Variants in MINAR1 observed in about 807,000 individuals in gnomAD.
MINAR1 encodes membrane integral NOTCH2 associated receptor 1.
MINAR1 carries 40 observed loss-of-function variants against 65.1 expected under a neutral mutation model. That is an observed-to-expected ratio of 0.61 (90% CI 0.48 to 0.80). MINAR1 has a LOEUF of 0.80. Ranked by LOEUF, MINAR1 falls within the 30% of genes least tolerant of loss-of-function variation. MINAR1 has a pLI of 0.00. For synonymous variants in MINAR1, 482 were observed against 449.1 expected (o/e 1.07, Z -0.93); for missense variants, 1,128 against 1,148.0 (o/e 0.98, Z 0.25).
At chr15:79,434,962 C>G (rs1177938297) in intron 1 of MINAR1, among the ~76,000 whole-genome samples, 1 of 152,160 alleles carries the variant, frequency 6.6e-6, no homozygotes, top group Non-Finnish European at 1.5e-5. Flanking sequence ...GAGTAGAACC[C>G]TTTAAATTAA....
chr15:79,421,957 A>G, the MINAR1 span: 3 of 152,298 alleles, frequency 2.0e-5, no homozygotes, highest in Admixed American at 2.0e-4. Context: ...GGATGGAGAC[A>G]CATTGTATAT....
At position 79,470,060 on chromosome 15, in the gene MINAR1, T is replaced by TTTTAGAAGTCTTCATGTTATCTATTTGTA. The variant is rs1896022491; in HGVS notation, c.*1679_*1707dup. On this transcript the variant is annotated 3_prime_UTR_variant, in exon 4 of 4. Coordinates refer to ENST00000305428, the MANE Select transcript of MINAR1 (RefSeq NM_015206.3). Reference sequence around the variant, plus strand: ...GTTTTCATCTGTGGTGAACCTTTATTTTTAGAAGTCTTCATGTTATCTATT... The same window carrying TTTTAGAAGTCTTCATGTTATCTATTTGTA: ...GTTTTCATCTGTGGTGAACCTTTATTTTTAGAAGTCTTCATGTTATCTATTTGTATTTAGAAGTCTTCATGTTATCTATT... 1 of 152,568 alleles carries TTTTAGAAGTCTTCATGTTATCTATTTGTA rather than the reference T, an allele frequency of 6.6e-6. No individual in the cohort carries two copies. The highest frequency in any genetic ancestry group is 1.5e-5 in the Non-Finnish European group (1 of 68,040). 9.5% of individuals were successfully genotyped at this position (152,568 alleles called of 1,614,324 possible).
Position 79,471,665 on chromosome 15 carries a change from G to A in MINAR1, c.*3281G>A, listed in dbSNP as rs1267992680. 6.6e-6 allele frequency: 1 copy of A among 151,150 alleles called. No individual in the cohort carries two copies. The highest frequency in any genetic ancestry group is 2.4e-5 in the African/African-American group (1 of 40,960). 9.4% of individuals were successfully genotyped at this position (151,150 alleles called of 1,614,324 possible). A position where few individuals can be genotyped will look rare whatever the true frequency, so the allele number is the denominator to read the frequency against. ...TTGGAATCAAGGCAGTGCTGTTTCT[G>A]TTTACAAGTTATCAAGATAAGAGCA... On this transcript the variant is annotated 3_prime_UTR_variant, in exon 4 of 4. Coordinates refer to ENST00000305428, the MANE Select transcript of MINAR1 (RefSeq NM_015206.3).
At chr15:79,453,755 ATTTG>A (rs1895318875) in intron 1 of MINAR1, among the ~76,000 whole-genome samples, 1 of 152,100 alleles carries the variant, frequency 6.6e-6, no homozygotes, top group African/African-American at 2.4e-5. Flanking sequence ...GGCTTACCAT[ATTTG>A]TTTGTACTTC....
chr15:79,460,631 T>C (rs1895610624), intron 2 of MINAR1, among the ~76,000 whole-genome samples: 1 of 152,188 alleles, frequency 6.6e-6, no homozygotes, highest in African/African-American at 2.4e-5. Context: ...TCTCATCTCA[T>C]GGGCCACTGC....
At chr15:79,436,766 A>T (rs1042724070) in intron 1 of MINAR1, among the ~76,000 whole-genome samples, 11 of 152,324 alleles carry the variant, frequency 7.2e-5, no homozygotes, top group African/African-American at 2.2e-4. Context: ...GATTTTTCTG[A>T]TGCTCTGAGC....
At chr15:79,435,253 G>A (rs1457128947) in intron 1 of MINAR1, among the ~76,000 whole-genome samples, 1 of 149,374 alleles carries the variant, frequency 6.7e-6, no homozygotes, top group Non-Finnish European at 1.5e-5. Context: ...TCCAGCCTGG[G>A]CAACAAGAAC....
rs1896110101 is a variant in MINAR1, at chr15:79,472,211, A to G, written c.*3827A>G. The G allele has an allele frequency of 6.6e-6, 1 of 152,646 alleles. No individual in the cohort carries two copies. Among genetic ancestry groups the G allele is most frequent in the Admixed American group, 6.5e-5 (1 of 15,278 alleles). The allele number at this position is 152,646 out of a possible 1,614,324, so 9.5% of individuals were successfully genotyped here. ...AGATCTTTTTTCAAATGGCTTGTGT[A>G]AAATTTGGTTAATGTACAATGGTTG... On this transcript the variant is annotated 3_prime_UTR_variant, in exon 4 of 4. Transcript: ENST00000305428.
chr15:79,451,863 G>T (rs1895213808), intron 1 of MINAR1, among the ~76,000 whole-genome samples: 2 of 152,196 alleles, frequency 1.3e-5, no homozygotes, highest in Non-Finnish European at 2.9e-5. Flanking sequence ...CCAGAGAGGG[G>T]TGGATTTGTT....
Position 79,456,236 on chromosome 15 carries a change from T to C in MINAR1, c.89T>C (p.Leu30Pro). 1.9e-6 allele frequency: 3 copies of C among 1,614,180 alleles called. No individual in the cohort carries two copies. Among genetic ancestry groups the C allele is most frequent in the Non-Finnish European group, 2.5e-6 (3 of 1,180,006 alleles). ...CAAAATACCGTTTCTTATCAGGACC[T>C]GTGCAAATCTCTCTGTGCCCGGTTC... is the stretch of plus-strand genomic sequence containing the variant. ...SKQNTVSYQD[L>P]CKSLCARFDL... Residue 30 changes from leucine (L) to proline (P), a missense_variant, in exon 2 of 4, where the codon CTG becomes CCG. Transcript: ENST00000305428.
intron 1 of MINAR1, among the ~76,000 whole-genome samples, chr15:79,452,474 CTG>C (rs1472249099): frequency 6.2e-5 from 8 of 128,090 alleles, no homozygotes; most frequent in African/African-American, 2.1e-4. Context: ...GGGTGTGAAG[CTG>C]TGTGTGGATT....
intron 1 of MINAR1, among the ~76,000 whole-genome samples, chr15:79,447,731 G>A (rs548292196): frequency 2.0e-5 from 3 of 152,178 alleles, no homozygotes; most frequent in South Asian, 2.1e-4. Flanking sequence ...CTTGCACACC[G>A]TGACAACATA....
chr15:79,462,997 T>C, intron 2 of MINAR1, 70 bp from the exon 3 acceptor site: 5 of 1,529,246 alleles, frequency 3.3e-6, no homozygotes, highest in Non-Finnish European at 4.4e-6. Context: ...AGCTGCTGGC[T>C]GCTCAATTGC....
At position 79,471,165 on chromosome 15, in the gene MINAR1, G is replaced by C. The variant is rs927095247; in HGVS notation, c.*2781G>C. ...TGACATACGGACTGGCCTCTCTACTGTACTGGGTGCCATCTCCCACCATAC... is the reference window on the plus strand; with the variant it reads ...TGACATACGGACTGGCCTCTCTACTCTACTGGGTGCCATCTCCCACCATAC... On this transcript the variant is annotated 3_prime_UTR_variant, in exon 4 of 4. Coordinates refer to ENST00000305428, the MANE Select transcript of MINAR1 (RefSeq NM_015206.3). 1 of 152,078 alleles carries C rather than the reference G, an allele frequency of 6.6e-6. No individual in the cohort carries two copies. The highest frequency in any genetic ancestry group is 1.5e-5 in the Non-Finnish European group (1 of 68,030). The allele number at this position is 152,078 out of a possible 1,614,324, so 9.4% of individuals were successfully genotyped here.
rs1027437909 is a variant in MINAR1, at chr15:79,471,050, T to C, written c.*2666T>C. The C allele has an allele frequency of 6.6e-6, 1 of 152,132 alleles. No individual in the cohort carries two copies. The highest frequency in any genetic ancestry group is 2.4e-5 in the African/African-American group (1 of 41,408). 9.4% of individuals were successfully genotyped at this position (152,132 alleles called of 1,614,324 possible). A position where few individuals can be genotyped will look rare whatever the true frequency, so the allele number is the denominator to read the frequency against. On this transcript the variant is annotated 3_prime_UTR_variant, in exon 4 of 4. Transcript: ENST00000305428. The stretch of plus-strand genomic sequence containing the variant: ...TCCCCTATTCCCTCAGTTTGCAGAA[T>C]GAGCAAGATAGAGTCTGGCTAGGAG...
Position 79,457,083 on chromosome 15 carries a change from C to T in MINAR1, c.936C>T (p.Tyr312=). Residue 312 remains tyrosine (Y), a synonymous_variant, in exon 2 of 4, where the codon TAC becomes TAT. Coordinates refer to ENST00000305428, the MANE Select transcript of MINAR1 (RefSeq NM_015206.3). The part of the protein sequence containing the change: ...HSFEMPYNSQ[Y]LNPVYSPVPD... ...TTGAAATGCCCTATAACAGCCAGTA[C>T]CTGAATCCAGTGTATTCCCCGGTTC... 2.5e-6 allele frequency: 4 copies of T among 1,614,168 alleles called. No homozygotes were observed. In the South Asian group the frequency reaches 3.3e-5, roughly 13 times the overall value.
chr15:79,456,365 T>C lies in MINAR1; in HGVS notation c.218T>C (p.Val73Ala). The C allele has an allele frequency of 6.2e-7, 1 of 1,614,194 alleles. No individual in the cohort carries two copies. The highest frequency in any genetic ancestry group is 8.5e-7 in the Non-Finnish European group (1 of 1,180,042). Reference protein sequence around the residue: ...TLFKDKMKCTVNNQQSKKIMV... With the variant: ...TLFKDKMKCTANNQQSKKIMV... ...TTCAAAGACAAGATGAAATGCACTG[T>C]GAATAACCAGCAATCAAAGAAAATC... Residue 73 changes from valine (V) to alanine (A), a missense_variant, in exon 2 of 4, where the codon GTG becomes GCG. Val to Ala is a moderately conservative substitution (Grantham distance 64). Coordinates refer to ENST00000305428, the MANE Select transcript of MINAR1 (RefSeq NM_015206.3).
intron 1 of MINAR1, among the ~76,000 whole-genome samples, chr15:79,452,707 AGT>A (rs1491535744): frequency 3.2e-5 from 2 of 62,092 alleles, no homozygotes; most frequent in Non-Finnish European, 6.1e-5. Context: ...TGTCTGGATG[AGT>A]GTGTGGGTGT....
In MINAR1 at chr15:79,457,767, C is replaced by G; in HGVS notation, c.1620C>G (p.Ser540=). 1 of 1,614,186 alleles carries G rather than the reference C, an allele frequency of 6.2e-7. No individual in the cohort carries two copies. The highest frequency in any genetic ancestry group is 1.1e-5 in the South Asian group (1 of 91,080). The change falls in exon 2 of 4, where the codon TCC becomes TCG. Residue 540 remains serine, a synonymous_variant. Coordinates refer to ENST00000305428, the MANE Select transcript of MINAR1 (RefSeq NM_015206.3). ...GCTCCACGGGAGTGATACAGTCGTCCTGCTACAACAGCACAGGATCCTTGT... is the reference window on the plus strand; with the variant it reads ...GCTCCACGGGAGTGATACAGTCGTCGTGCTACAACAGCACAGGATCCTTGT... ...ISGSTGVIQS[S]CYNSTGSLSQ...
Sources: gnomAD v4.1 joint callset for allele counts (sites outside exome capture counted in the v4.1 genomes callset) on GRCh38, gnomAD v4.1.1 for gene constraint, MANE v1.5 for transcripts, NCBI Gene and HGNC (gene_info 2026-07-23, HGNC 2026-07-21) for gene names.